Variants in STARD8 observed in about 807,000 individuals in gnomAD.
STARD8 encodes the protein StAR related lipid transfer domain containing 8.
Under a neutral mutation model 69.4 loss-of-function variants are expected in STARD8, and 25 were observed. That is an observed-to-expected ratio of 0.36 (90% CI 0.26 to 0.50). The LOEUF (loss-of-function observed/expected upper bound fraction) is 0.50. STARD8 is among the 20% of genes least tolerant of loss of function. The pLI, the probability that STARD8 is intolerant of heterozygous loss-of-function variation, is 0.96. For missense variants in STARD8, 921 were observed against 932.5 expected (o/e 0.99, Z 0.16); for synonymous variants, 389 against 374.6 (o/e 1.04, Z -0.45).
At chrX:68,712,798 C>A in intron 2 of STARD8, 116 bp from the exon 3 acceptor site, 1 of 669,998 alleles carries the variant, frequency 1.5e-6, no homozygotes, top group Non-Finnish European at 2.3e-6. Flanking sequence ...ATTGCTAGAT[C>A]ACCAGAATGA....
intron 1 of STARD8, among the ~76,000 whole-genome samples, chrX:68,653,243 CA>C (rs2079578148): frequency 2.0e-5 from 1 of 51,254 alleles, no homozygotes; most frequent in Non-Finnish European, 3.6e-5. Flanking sequence ...CACACACACA[CA>C]CCACACATAC....
At chrX:68,697,345 G>A (rs2079928434) in intron 2 of STARD8, among the ~76,000 whole-genome samples, 1 of 112,101 alleles carries the variant, frequency 8.9e-6, no homozygotes, top group Non-Finnish European at 1.9e-5. Flanking sequence ...CTGAACCTTG[G>A]AAGAGAGGCC....
At chrX:68,716,712 G>A (rs1189808623) in intron 5 of STARD8, among the ~76,000 whole-genome samples, 1 of 111,477 alleles carries the variant, frequency 9.0e-6, no homozygotes, top group East Asian at 2.8e-4. Flanking sequence ...GAGACAGGAG[G>A]CCCATGGGGC....
At chrX:68,704,463 G>T (rs1039604104) in intron 2 of STARD8, among the ~76,000 whole-genome samples, 3 of 111,191 alleles carry the variant, frequency 2.7e-5, no homozygotes, top group African/African-American at 9.8e-5. Flanking sequence ...CAGCTGGCAG[G>T]ATGGCCCCTT....
chrX:68,684,237 C>T (rs2079817254), intron 2 of STARD8, among the ~76,000 whole-genome samples: 1 of 112,777 alleles, frequency 8.9e-6, no homozygotes, highest in Non-Finnish European at 1.9e-5. Context: ...GCAGGCATTC[C>T]TGCCTGGAGT....
At chrX:68,713,949 C>T (rs1297574004) in intron 3 of STARD8, among the ~76,000 whole-genome samples, 1 of 111,978 alleles carries the variant, frequency 8.9e-6, no homozygotes, top group Middle Eastern at 4.2e-3. Context: ...GCCCCATACC[C>T]AGGAGTCATC....
At chrX:68,721,907 A>G in intron 10 of STARD8, 140 bp from the exon 11 acceptor site, 1 of 776,324 alleles carries the variant, frequency 1.3e-6, no homozygotes, top group Non-Finnish European at 1.8e-6. Flanking sequence ...GCTGTGGAGC[A>G]GGGCCTTCCA....
chrX:68,650,943 C>T (rs931810128), intron 1 of STARD8, among the ~76,000 whole-genome samples: 1 of 112,869 alleles, frequency 8.9e-6, no homozygotes, highest in Non-Finnish European at 1.9e-5. Context: ...AGGACATACA[C>T]GTGCATTTGT....
chrX:68,667,520 T>C (rs2079691123), intron 2 of STARD8, among the ~76,000 whole-genome samples: 1 of 112,041 alleles, frequency 8.9e-6, no homozygotes, highest in South Asian at 3.7e-4. Context: ...GGTAATACCT[T>C]CACAGGTTTC....
rs980102567 is a variant in STARD8 at position 68,707,468 on chromosome X, G to A, written c.80-5446G>A. Among the ~76,000 whole-genome samples, 7 of 111,890 alleles carry A rather than the reference G, an allele frequency of 6.3e-5. No individual in the cohort carries two copies. In the South Asian group the frequency reaches 1.1e-3, roughly 18 times the overall value. On this transcript the variant is annotated intron_variant, in intron 2 of 14. Transcript: ENST00000374599. ...TTTCTAGCAGGCCTTTTCTGTTTAGGGCGGTGGTCTTTATCTCAGGCTGTA... is the reference window on the plus strand; with the variant it reads ...TTTCTAGCAGGCCTTTTCTGTTTAGAGCGGTGGTCTTTATCTCAGGCTGTA...
chrX:68,708,659 C>A (rs911828654), intron 2 of STARD8, among the ~76,000 whole-genome samples: 3 of 111,965 alleles, frequency 2.7e-5, no homozygotes, highest in Admixed American at 9.4e-5. Flanking sequence ...CCCCCAGGGG[C>A]TTAAGTCTCA....
At chrX:68,694,812 C>G (rs1330709721) in intron 2 of STARD8, among the ~76,000 whole-genome samples, 1 of 111,157 alleles carries the variant, frequency 9.0e-6, no homozygotes, top group Non-Finnish European at 1.9e-5. Context: ...AGCTGGAAAA[C>G]TAGAGTGTGC....
At chrX:68,653,393 CCCACACACA>C (rs1336860502) in intron 1 of STARD8, among the ~76,000 whole-genome samples, 4 of 53,239 alleles carry the variant, frequency 7.5e-5, no homozygotes, top group Non-Finnish European at 1.1e-4. Context: ...ACACACACAC[CCCACACACA>C]CCACACACAC....
At chrX:68,653,451 C>CCA (rs1177573347) in intron 1 of STARD8, among the ~76,000 whole-genome samples, 1 of 55,199 alleles carries the variant, frequency 1.8e-5, no homozygotes, top group Non-Finnish European at 3.5e-5. Context: ...ACACCTCACA[C>CCA]CACACACACA....
At chrX:68,713,631 G>T (rs1043834671) in intron 3 of STARD8, among the ~76,000 whole-genome samples, 1 of 111,506 alleles carries the variant, frequency 9.0e-6, no homozygotes, top group African/African-American at 3.3e-5. Flanking sequence ...TTTCCTGGCT[G>T]CCTCTCTGGC....
chrX:68,653,783 C>A (rs1334925825), intron 1 of STARD8, among the ~76,000 whole-genome samples: 1 of 109,644 alleles, frequency 9.1e-6, no homozygotes, highest in African/African-American at 3.3e-5. Flanking sequence ...ATACCACAAA[C>A]ACACACACCA....
At chrX:68,653,133 CACACA>C (rs2079574463) in intron 1 of STARD8, among the ~76,000 whole-genome samples, 1 of 53,319 alleles carries the variant, frequency 1.9e-5, no homozygotes. Flanking sequence ...ACACACACAC[CACACA>C]CCACACACAC....
At chrX:68,715,771 A>G (rs1375482841) in intron 4 of STARD8, among the ~76,000 whole-genome samples, 2 of 109,767 alleles carry the variant, frequency 1.8e-5, no homozygotes, top group African/African-American at 6.6e-5. Flanking sequence ...CTCTTCCCTC[A>G]CCCTACTCCC....
chrX:68,699,650 C>T (rs993022179), intron 2 of STARD8, among the ~76,000 whole-genome samples: 9 of 111,655 alleles, frequency 8.1e-5, no homozygotes, highest in Non-Finnish European at 1.5e-4. Context: ...TCATCACTGT[C>T]CTCTGTCCTC....
Sources: gnomAD v4.1 joint callset for allele counts (sites outside exome capture counted in the v4.1 genomes callset) on GRCh38, gnomAD v4.1.1 for gene constraint, MANE v1.5 for transcripts, NCBI Gene and HGNC (gene_info 2026-07-23, HGNC 2026-07-21) for gene names.